Variants in HDX observed in about 807,000 individuals in gnomAD.
The protein encoded by HDX is chromosome X open reading frame 43.
In HDX, 19 loss-of-function variants were observed where a neutral mutation model predicts 45.2. The ratio of observed to expected loss-of-function variants is 0.42; its 90% CI spans 0.29 to 0.62. HDX has a LOEUF of 0.62. HDX is among the 20% of genes least tolerant of loss of function. The probability of loss-of-function intolerance (pLI) is 0.20; values close to 1 mark genes in which losing one functional copy is unlikely to be tolerated. For synonymous variants in HDX, 188 were observed against 172.8 expected (o/e 1.09, Z -0.69); for missense variants, 532 against 493.9 (o/e 1.08, Z -0.73).
At chrX:84,347,301 T>G (rs975538809) in intron 6 of HDX, among the ~76,000 whole-genome samples, 1 of 110,743 alleles carries the variant, frequency 9.0e-6, no homozygotes, top group African/African-American at 3.3e-5. Context: ...CTCAAGCAAT[T>G]CTCCCACCTC....
At chrX:84,443,586 C>T (rs913746961) in intron 4 of HDX, among the ~76,000 whole-genome samples, 2 of 111,718 alleles carry the variant, frequency 1.8e-5, no homozygotes, top group African/African-American at 6.5e-5. Flanking sequence ...GTTCATGCCT[C>T]ACCCAGAGAT....
intron 10 of HDX, among the ~76,000 whole-genome samples, chrX:84,324,040 G>A (rs899713582): frequency 3.6e-5 from 4 of 112,253 alleles, no homozygotes; most frequent in African/African-American, 1.3e-4. Context: ...ATTATCAGGG[G>A]AAGCAAGACC....
At chrX:84,347,578 A>C (rs1202201642) in intron 6 of HDX, among the ~76,000 whole-genome samples, 1 of 111,486 alleles carries the variant, frequency 9.0e-6, no homozygotes, top group South Asian at 3.7e-4. Flanking sequence ...TCTGACCTAT[A>C]TGATTTCCCT....
chrX:84,334,433 G>A (rs1329628967), intron 8 of HDX, among the ~76,000 whole-genome samples: 1 of 109,853 alleles, frequency 9.1e-6, no homozygotes, highest in African/African-American at 3.3e-5. Context: ...ATGAGGAGGT[G>A]GAGAGAGAGG....
intron 5 of HDX, among the ~76,000 whole-genome samples, chrX:84,408,983 T>C (rs1476935166): frequency 1.8e-5 from 2 of 111,081 alleles, no homozygotes; most frequent in African/African-American, 6.5e-5. Context: ...TGGGGTTTTC[T>C]ATGTATATCC....
intron 5 of HDX, among the ~76,000 whole-genome samples, chrX:84,391,815 G>GT (rs2038449850): frequency 9.0e-6 from 1 of 111,547 alleles, no homozygotes; most frequent in Non-Finnish European, 1.9e-5. Flanking sequence ...AGTTATTAGA[G>GT]TCCCTTGTAT....
intron 5 of HDX, among the ~76,000 whole-genome samples, chrX:84,400,220 A>G (rs1446723994): frequency 1.8e-5 from 2 of 110,050 alleles, no homozygotes; most frequent in Non-Finnish European, 3.8e-5. Context: ...CAATCAAGCA[A>G]GAGAAAAAAA....
At chrX:84,351,764 C>T (rs761838955) in intron 6 of HDX, among the ~76,000 whole-genome samples, 11 of 111,142 alleles carry the variant, frequency 9.9e-5, no homozygotes, top group Non-Finnish European at 1.7e-4. Flanking sequence ...TCTTTCCACC[C>T]TTCAGAGTCT....
intron 4 of HDX, among the ~76,000 whole-genome samples, chrX:84,462,474 T>A (rs771298106): frequency 7.1e-4 from 79 of 111,233 alleles, no homozygotes; most frequent in Middle Eastern, 9.3e-3. Context: ...TTTAAAACAA[T>A]TGAACTCATG....
intron 5 of HDX, among the ~76,000 whole-genome samples, chrX:84,369,006 C>A (rs1307367531): frequency 9.0e-6 from 1 of 110,746 alleles, no homozygotes; most frequent in South Asian, 3.9e-4. Context: ...GCCTGCTGCT[C>A]ACCTCCTGCT....
intron 4 of HDX, among the ~76,000 whole-genome samples, chrX:84,452,346 C>A (rs2040016568): frequency 1.8e-5 from 2 of 110,348 alleles, no homozygotes; most frequent in Admixed American, 1.9e-4. Flanking sequence ...TAATAAGTAG[C>A]ATTTCAATAA....
intron 5 of HDX, among the ~76,000 whole-genome samples, chrX:84,387,980 A>G (rs1043119722): frequency 8.9e-6 from 1 of 112,275 alleles, no homozygotes; most frequent in Non-Finnish European, 1.9e-5. Flanking sequence ...ACAACCTCTA[A>G]TAAGACTTGT....
intron 4 of HDX, among the ~76,000 whole-genome samples, chrX:84,462,846 CAT>C (rs1317968777): frequency 1.8e-5 from 2 of 110,997 alleles, no homozygotes; most frequent in Non-Finnish European, 3.8e-5. Flanking sequence ...GATCAGAAAA[CAT>C]AATATGAAGT....
chrX:84,420,485 T>A (rs770428984), intron 5 of HDX, among the ~76,000 whole-genome samples: 1 of 110,795 alleles, frequency 9.0e-6, no homozygotes, highest in South Asian at 3.8e-4. Context: ...AGCACATATA[T>A]GGGATCAAAA....
chrX:84,441,269 AG>A (rs1244323638), intron 4 of HDX, among the ~76,000 whole-genome samples: 1 of 111,731 alleles, frequency 9.0e-6, no homozygotes, highest in Non-Finnish European at 1.9e-5. Context: ...TTTACCACAA[AG>A]CAAGAGATGA....
chrX:84,468,360 G>C, intron 4 of HDX, 112 bp downstream of exon 4: 1 of 458,625 alleles, frequency 2.2e-6, no homozygotes, highest in Non-Finnish European at 3.5e-6. Flanking sequence ...CCACCACTTT[G>C]AAGCAAAAAT....
intron 5 of HDX, among the ~76,000 whole-genome samples, chrX:84,417,276 TCA>T (rs752319210): frequency 1.8e-5 from 2 of 110,128 alleles, no homozygotes; most frequent in African/African-American, 6.6e-5. Flanking sequence ...CCTTGTTTCC[TCA>T]CATAAGCACA....
chrX:84,474,485 A>G (rs1203690561), intron 3 of HDX, among the ~76,000 whole-genome samples: 1 of 111,727 alleles, frequency 9.0e-6, no homozygotes, highest in Non-Finnish European at 1.9e-5. Context: ...AAACTTAAGA[A>G]CAGACATCCT....
intron 5 of HDX, among the ~76,000 whole-genome samples, chrX:84,425,093 T>C (rs1278296565): frequency 9.0e-6 from 1 of 110,850 alleles, no homozygotes; most frequent in African/African-American, 3.3e-5. Flanking sequence ...AACCAGAATA[T>C]ATAAGGAGCT....
Sources: allele counts gnomAD v4.1 joint callset (sites outside exome capture counted in the v4.1 genomes callset), GRCh38; gene constraint gnomAD v4.1.1; transcripts MANE v1.5; gene names NCBI Gene and HGNC (gene_info 2026-07-23, HGNC 2026-07-21).